The following ZNF280D variants were observed in gnomAD, a reference collection of about 807,000 sequenced individuals.
ZNF280D encodes the protein suppressor of hairy wing homolog 4.
In ZNF280D, 39 loss-of-function variants were observed where a neutral mutation model predicts 94.7. That is an observed-to-expected ratio of 0.41 (90% CI 0.32 to 0.54). ZNF280D has a LOEUF of 0.54. Among genes scored for constraint, ZNF280D ranks in the 20% least tolerant of loss-of-function variants. ZNF280D has a pLI of 0.22. For missense variants in ZNF280D, 1,090 were observed against 1,149.3 expected (o/e 0.95, Z 0.75); for synonymous variants, 398 against 377.6 (o/e 1.05, Z -0.63).
At chr15:56,666,015 T>C (rs1296436850) in intron 16 of ZNF280D, among the ~76,000 whole-genome samples, 1 of 151,944 alleles carries the variant, frequency 6.6e-6, no homozygotes, top group Non-Finnish European at 1.5e-5. Context: ...TCACACCTGT[T>C]GTCCCAGCTA....
At chr15:56,670,401 T>G (rs1244435800) in intron 13 of ZNF280D, among the ~76,000 whole-genome samples, 1 of 151,846 alleles carries the variant, frequency 6.6e-6, no homozygotes, top group Non-Finnish European at 1.5e-5. Flanking sequence ...ATGTGTCTTG[T>G]GTTCTCATCA....
intron 19 of ZNF280D, chr15:56,652,949 T>C (rs1284372215): frequency 2.2e-6 from 2 of 917,852 alleles, no homozygotes; most frequent in African/African-American, 3.6e-5. Flanking sequence ...AATAATATAA[T>C]ATAAAAATAG....
chr15:56,728,880 A>T (rs2058752452), intron 1 of ZNF280D, among the ~76,000 whole-genome samples: 1 of 152,134 alleles, frequency 6.6e-6, no homozygotes, highest in South Asian at 2.1e-4. Context: ...ATGTTGCCCA[A>T]CTGTAGACTA....
intron 1 of ZNF280D, among the ~76,000 whole-genome samples, chr15:56,720,877 G>A (rs890916582): frequency 6.7e-6 from 1 of 148,224 alleles, no homozygotes; most frequent in East Asian, 2.0e-4. Flanking sequence ...TGTAAACCAC[G>A]TTTACATCTG....
intron 6 of ZNF280D, among the ~76,000 whole-genome samples, chr15:56,695,016 C>A (rs1300014476): frequency 1.3e-5 from 2 of 152,074 alleles, no homozygotes; most frequent in Non-Finnish European, 2.9e-5. Flanking sequence ...AATTTTTCTG[C>A]ATAAAAGCTT....
chr15:56,649,676 C>T (rs1465082379), intron 19 of ZNF280D, among the ~76,000 whole-genome samples: 2 of 151,386 alleles, frequency 1.3e-5, no homozygotes, highest in African/African-American at 2.4e-5. Flanking sequence ...CACATAAGAG[C>T]TACAGAGTTA....
chr15:56,725,185 A>G (rs1484933147), intron 1 of ZNF280D, among the ~76,000 whole-genome samples: 1 of 152,146 alleles, frequency 6.6e-6, no homozygotes, highest in Non-Finnish European at 1.5e-5. Flanking sequence ...TAGACTGATC[A>G]TCTTTGCTTT....
At chr15:56,676,582 T>C (rs1200640467) in intron 13 of ZNF280D, 88 bp downstream of exon 13, 59 of 1,222,922 alleles carry the variant, frequency 4.8e-5, no homozygotes, top group Non-Finnish European at 6.0e-5. Context: ...CTGCTTCTCT[T>C]GCAGAACAAA....
intron 20 of ZNF280D, chr15:56,635,890 C>T (rs1352501671): frequency 1.3e-5 from 2 of 152,156 alleles, no homozygotes; most frequent in Non-Finnish European, 2.9e-5. Flanking sequence ...AAGAACTTTA[C>T]ATGCACTATC....
chr15:56,718,228 A>C (rs1427439838), intron 1 of ZNF280D, among the ~76,000 whole-genome samples: 1 of 152,164 alleles, frequency 6.6e-6, no homozygotes, highest in Non-Finnish European at 1.5e-5. Flanking sequence ...AGACCCTTCA[A>C]GTACAATATA....
chr15:56,700,272 G>T, intron 6 of ZNF280D: 1 of 686,340 alleles, frequency 1.5e-6, no homozygotes, highest in Non-Finnish European at 1.8e-6. Context: ...TCAACTGCCA[G>T]CTTTGGGATC....
At chr15:56,647,719 T>C (rs1219405468) in intron 19 of ZNF280D, among the ~76,000 whole-genome samples, 1 of 152,012 alleles carries the variant, frequency 6.6e-6, no homozygotes, top group Non-Finnish European at 1.5e-5. Flanking sequence ...TTTGTAGAGA[T>C]GGGGTTTCAC....
rs188168842 is a variant in ZNF280D at position 56,630,259 on chromosome 15, T to C, written c.*1239A>G. ...AGTATTTTAATCGCCATTTAAAACA[T>C]TGAACATTCAGTGAAACAAAATTTA... On this transcript the variant is annotated 3_prime_UTR_variant, in exon 22 of 22. Coordinates refer to ENST00000267807, the MANE Select transcript of ZNF280D (RefSeq NM_017661.4). 61 of 152,292 alleles carry C rather than the reference T, an allele frequency of 4.0e-4. No homozygotes were observed. Among genetic ancestry groups the C allele is most frequent in the Admixed American group, 3.3e-3 (50 of 15,292 alleles). The allele number at this position is 152,292 out of a possible 1,614,324, so 9.4% of individuals were successfully genotyped here.
chr15:56,691,620 T>C (rs1178814188), intron 7 of ZNF280D, among the ~76,000 whole-genome samples: 1 of 152,216 alleles, frequency 6.6e-6, no homozygotes, highest in Non-Finnish European at 1.5e-5. Context: ...GTAAAAATCC[T>C]ATTCTCATTC....
intron 1 of ZNF280D, among the ~76,000 whole-genome samples, chr15:56,718,866 T>G (rs1362395015): frequency 6.6e-6 from 1 of 152,200 alleles, no homozygotes; most frequent in Non-Finnish European, 1.5e-5. Context: ...TTTTCTTCAT[T>G]TGCATTTTCC....
At chr15:56,689,004 C>T (rs771719772) in intron 9 of ZNF280D, 37 bp downstream of exon 9, 7 of 1,434,844 alleles carry the variant, frequency 4.9e-6, no homozygotes, top group Non-Finnish European at 4.8e-6. Context: ...TAGAAATGTG[C>T]AAACTTTTTA....
chr15:56,717,275 C>T (rs145590549), intron 1 of ZNF280D, among the ~76,000 whole-genome samples: 56 of 152,178 alleles, frequency 3.7e-4, no homozygotes, highest in Admixed American at 9.2e-4. Flanking sequence ...CAGATGTCCA[C>T]TACAAGGAAT....
chr15:56,664,694 T>C (rs2054172352), intron 16 of ZNF280D, among the ~76,000 whole-genome samples: 2 of 152,182 alleles, frequency 1.3e-5, no homozygotes, highest in African/African-American at 4.8e-5. Context: ...AAGAGATCTT[T>C]TTTAAAAAAA....
chr15:56,703,324 A>G (rs1247940666), intron 4 of ZNF280D, among the ~76,000 whole-genome samples: 1 of 152,146 alleles, frequency 6.6e-6, no homozygotes, highest in Non-Finnish European at 1.5e-5. Flanking sequence ...GAAGACGGAT[A>G]TGGTCAGAAG....
Sources: allele counts gnomAD v4.1 joint callset (sites outside exome capture counted in the v4.1 genomes callset), GRCh38; gene constraint gnomAD v4.1.1; transcripts MANE v1.5; gene names NCBI Gene and HGNC (gene_info 2026-07-23, HGNC 2026-07-21).